The following CFI variants were observed in gnomAD, a reference collection of about 807,000 sequenced individuals.
The protein encoded by CFI is complement factor I.
A neutral mutation model predicts 78.8 loss-of-function variants in CFI; 66 were observed. That is an observed-to-expected ratio of 0.84 (90% CI 0.69 to 1.03). The LOEUF (loss-of-function observed/expected upper bound fraction) is 1.03, where lower values mean the gene tolerates loss of function less well. Among genes scored for constraint, CFI ranks in the 50% least tolerant of loss-of-function variants. The probability of loss-of-function intolerance (pLI) is 0.00; values close to 1 mark genes in which losing one functional copy is unlikely to be tolerated. For missense variants in CFI, 706 were observed against 704.5 expected, an observed-to-expected ratio of 1.00 and a Z score of -0.02; for synonymous variants, 250 against 232.6, an observed-to-expected ratio of 1.07 and a Z score of -0.68.
intron 1 of CFI, among the ~76,000 whole-genome samples, chr4:109,778,015 C>A (rs571410436): frequency 6.6e-6 from 1 of 150,668 alleles, no homozygotes; most frequent in Admixed American, 6.6e-5. Context: ...CACTAAATGC[C>A]CACAAGAGAA....
At chr4:109,761,847 C>G in intron 3 of CFI, 155 bp from the exon 4 acceptor site, 1 of 653,358 alleles carries the variant, frequency 1.5e-6, no homozygotes, top group Non-Finnish European at 2.7e-6. Context: ...GCCTCAGTAC[C>G]TTCATCTATA....
intron 1 of CFI, among the ~76,000 whole-genome samples, chr4:109,795,272 G>T (rs1160636876): frequency 6.6e-6 from 1 of 152,084 alleles, no homozygotes; most frequent in Non-Finnish European, 1.5e-5. Context: ...GTAGACCCAG[G>T]CACCAGGCCC....
At chr4:109,731,732 G>T in the CFI span, among the ~76,000 whole-genome samples, 1 of 152,298 alleles carries the variant, frequency 6.6e-6, no homozygotes, top group South Asian at 2.1e-4. Flanking sequence ...CAATGGAGAA[G>T]GGGGAAGAAT....
intron 1 of CFI, among the ~76,000 whole-genome samples, chr4:109,785,378 T>C (rs1730611569): frequency 6.6e-6 from 1 of 152,116 alleles, no homozygotes; most frequent in Admixed American, 6.6e-5. Context: ...TAAAATATTA[T>C]CTTTGTGTTG....
In CFI at chr4:109,761,375, C is replaced by T. The variant is rs933052694; in HGVS notation, c.658+142G>A. 3.7e-5 allele frequency: 31 copies of T among 846,110 alleles called. No individual in the cohort carries two copies. The African/African-American group carries it at 5.2e-4, about 14-fold the overall frequency. 52.4% of individuals were successfully genotyped at this position (846,110 alleles called of 1,614,324 possible). On this transcript the variant is annotated intron_variant, in intron 4 of 12. Transcript: ENST00000394634. ...AATAGGGGAAAGGTACCAATTTAGA[C>T]TCTAAAGCCCAAAACTTGACAGAAT... is the stretch of plus-strand genomic sequence containing the variant.
intron 7 of CFI, among the ~76,000 whole-genome samples, chr4:109,753,836 A>C (rs1258830054): frequency 1.8e-4 from 3 of 16,254 alleles, no homozygotes; most frequent in Non-Finnish European, 2.6e-4. Context: ...ATATTATATA[A>C]TGTATAATCT....
In CFI at chr4:109,749,593, C is replaced by T. The variant is rs751111134; in HGVS notation, c.950G>A (p.Arg317Gln). The T allele has an allele frequency of 1.7e-5, 27 of 1,591,814 alleles. No individual in the cohort carries two copies. The highest frequency in any genetic ancestry group is 4.0e-5 in the African/African-American group (3 of 74,374). Residue 317 changes from arginine to glutamine, a missense_variant, in exon 9 of 13, where the codon CGG becomes CAG. Arg to Gln is a conservative substitution (Grantham distance 43). Transcript: ENST00000394634. ...LTADMDAERR[R>Q]IKSLLPKLSC... is the part of the protein sequence containing the mutation. ...TAGTTTAGGTAATAATGATTTTATC[C>T]GTCTTCTTTCTTCAAGAAAGGAAGA...
chr4:109,794,571 C>G (rs1731811646), intron 1 of CFI: 1 of 152,054 alleles, frequency 6.6e-6, no homozygotes, highest in Non-Finnish European at 1.5e-5. Flanking sequence ...GTGGGTGGAT[C>G]ACTTGAGGTT....
the CFI span, among the ~76,000 whole-genome samples, chr4:109,730,988 G>T: frequency 6.6e-6 from 1 of 152,276 alleles, no homozygotes; most frequent in Non-Finnish European, 1.5e-5. Flanking sequence ...TGTATCAGTT[G>T]TAAATATCTG....
At chr4:109,779,012 C>G (rs1729646925) in intron 1 of CFI, among the ~76,000 whole-genome samples, 1 of 152,036 alleles carries the variant, frequency 6.6e-6, no homozygotes, top group African/African-American at 2.4e-5. Context: ...TATGACAAAC[C>G]CACAGCCAAT....
intron 1 of CFI, among the ~76,000 whole-genome samples, chr4:109,787,809 T>C (rs1730925529): frequency 6.6e-6 from 1 of 152,014 alleles, no homozygotes; most frequent in Non-Finnish European, 1.5e-5. Context: ...TGTCTAGTTT[T>C]CTGGTCTTGT....
the CFI span, among the ~76,000 whole-genome samples, chr4:109,732,096 C>G: frequency 1.3e-5 from 2 of 152,144 alleles, no homozygotes; most frequent in Non-Finnish European, 2.9e-5. Flanking sequence ...TAACCTAGTT[C>G]CAGCCCTCAG....
At chr4:109,758,335 A>G (rs547771931) in intron 6 of CFI, among the ~76,000 whole-genome samples, 1 of 152,128 alleles carries the variant, frequency 6.6e-6, no homozygotes, top group South Asian at 2.1e-4. Flanking sequence ...CACACACAGT[A>G]GCAGCTGAAT....
At chr4:109,794,680 C>G (rs779550500) in intron 1 of CFI, among the ~76,000 whole-genome samples, 3 of 151,998 alleles carry the variant, frequency 2.0e-5, no homozygotes, top group Non-Finnish European at 4.4e-5. Context: ...GTAATTCCAG[C>G]TATTCAGGGG....
intron 1 of CFI, among the ~76,000 whole-genome samples, chr4:109,794,639 A>G (rs1367446636): frequency 1.3e-5 from 2 of 152,070 alleles, no homozygotes; most frequent in African/African-American, 4.8e-5. Flanking sequence ...CTAAAAATAC[A>G]AAAATTAGCT....
intron 1 of CFI, among the ~76,000 whole-genome samples, chr4:109,775,543 G>A (rs924242622): frequency 1.3e-5 from 2 of 152,222 alleles, no homozygotes; most frequent in African/African-American, 4.8e-5. Flanking sequence ...AAGGAGGCCT[G>A]CCTGCCTCTG....
intron 1 of CFI, among the ~76,000 whole-genome samples, chr4:109,780,705 T>C (rs1251788486): frequency 6.6e-6 from 1 of 152,230 alleles, no homozygotes; most frequent in Non-Finnish European, 1.5e-5. Context: ...CACGTATGTT[T>C]ATTGCGGCAC....
At chr4:109,741,715 A>AG (rs1317723713) in intron 12 of CFI, among the ~76,000 whole-genome samples, 1 of 152,156 alleles carries the variant, frequency 6.6e-6, no homozygotes, top group Non-Finnish European at 1.5e-5. Context: ...TCAAGATGGG[A>AG]GGACACTTTC....
At chr4:109,741,561 A>G (rs892572453) in intron 12 of CFI, among the ~76,000 whole-genome samples, 1 of 152,210 alleles carries the variant, frequency 6.6e-6, no homozygotes, top group Non-Finnish European at 1.5e-5. Context: ...AACTTGTCTA[A>G]GGTCACACAG....
Sources: gnomAD v4.1 joint callset for allele counts (sites outside exome capture counted in the v4.1 genomes callset) on GRCh38, gnomAD v4.1.1 for gene constraint, MANE v1.5 for transcripts, NCBI Gene and HGNC (gene_info 2026-07-23, HGNC 2026-07-21) for gene names.